D2HGDH: variants seen among roughly 807,000 people sequenced by gnomAD.
D2HGDH encodes the protein D-2-hydroxyglutarate dehydrogenase, mitochondrial.
Under a neutral mutation model 46.9 loss-of-function variants are expected in D2HGDH, and 31 were observed. The observed-to-expected ratio is 0.66, with a 90% confidence interval of 0.50 to 0.89. The LOEUF is 0.89. D2HGDH is among the 40% of genes least tolerant of loss of function. D2HGDH has a pLI of 0.00. For missense variants in D2HGDH, 698 were observed against 720.8 expected (o/e 0.97, Z 0.36); for synonymous variants, 364 against 332.6 (o/e 1.09, Z -1.03).
Position 241,743,572 on chromosome 2 carries a change from G to A in D2HGDH, c.491-50G>A, listed in dbSNP as rs377458254. ...GATGGGGGTTGGGACTCACCAGCCCGGGGGCCCACTGGAAGCCAAGTGCTG... is the reference window on the plus strand; with the variant it reads ...GATGGGGGTTGGGACTCACCAGCCCAGGGGCCCACTGGAAGCCAAGTGCTG... On this transcript the variant is annotated intron_variant, in intron 4 of 9. Transcript: ENST00000321264. This position sits in a 1 kb window ranked among gnomAD's most constrained non-coding sequence, Gnocchi z 4.8. 26 of 1,585,426 alleles carry A rather than the reference G, an allele frequency of 1.6e-5. No homozygotes were observed. Among genetic ancestry groups the A allele is most frequent in the Admixed American group, 3.5e-5 (2 of 57,102 alleles).
Position 241,755,992 on chromosome 2 carries a change from C to T in D2HGDH, c.1284C>T (p.His428=), listed in dbSNP as rs368179792. 13 of 1,602,246 alleles carry T rather than the reference C, an allele frequency of 8.1e-6. No homozygotes were observed. The African/African-American group carries it at 1.2e-4, about 15-fold the overall frequency. The change falls in exon 9 of 10, where the codon CAC becomes CAT. Residue 428 remains histidine, a synonymous_variant. Transcript: ENST00000321264. ...LRARLGPHAK[H]VVGYGHLGDG... ...CCCGCCTCGGCCCGCACGCCAAGCACGTGGTGGGCTATGGCCACCTTGGTG... is the reference window on the plus strand; with the variant it reads ...CCCGCCTCGGCCCGCACGCCAAGCATGTGGTGGGCTATGGCCACCTTGGTG...
At chr2:241,755,012 G>A (rs929562537) in intron 8 of D2HGDH, 25 of 1,274,926 alleles carry the variant, frequency 2.0e-5, no homozygotes, top group Admixed American at 1.2e-4. Flanking sequence ...GCAGCCCACA[G>A]AGGATGGCTC....
At chr2:241,746,424 T>C (rs1283354362) in intron 6 of D2HGDH, among the ~76,000 whole-genome samples, 1 of 152,256 alleles carries the variant, frequency 6.6e-6, no homozygotes, top group Non-Finnish European at 1.5e-5. Context: ...TCTGCAATGT[T>C]ACTTTTTATA....
chr2:241,750,334 TC>T (rs758093567), intron 7 of D2HGDH, 40 bp downstream of exon 7: 2 of 1,397,372 alleles, frequency 1.4e-6, no homozygotes, highest in Non-Finnish European at 1.9e-6. Flanking sequence ...GTCCTGCAGC[TC>T]CTTCTGCACG....
chr2:241,739,642 G>A (rs544460443), intron 2 of D2HGDH, among the ~76,000 whole-genome samples: 4 of 152,354 alleles, frequency 2.6e-5, no homozygotes, highest in Non-Finnish European at 5.9e-5. Flanking sequence ...GCAGAAAGAC[G>A]CCTGCTCACT....
intron 6 of D2HGDH, among the ~76,000 whole-genome samples, chr2:241,747,372 G>T (rs1696131020): frequency 6.8e-6 from 1 of 146,888 alleles, no homozygotes; most frequent in African/African-American, 2.6e-5. Flanking sequence ...CCAAAGACGA[G>T]GTACCTTCCT....
chr2:241,748,869 C>T (rs1696562588), intron 6 of D2HGDH: 4 of 1,294,002 alleles, frequency 3.1e-6, no homozygotes, highest in Non-Finnish European at 4.1e-6. Flanking sequence ...CTGCAGTCAC[C>T]TGTGTGCCGC....
chr2:241,742,267 C>A lies in D2HGDH; in HGVS notation c.351-168C>A, dbSNP rs1030347390. On this transcript the variant is annotated intron_variant, in intron 3 of 9. Coordinates refer to ENST00000321264, the MANE Select transcript of D2HGDH (RefSeq NM_152783.5). This position sits in a 1 kb window ranked among gnomAD's most constrained non-coding sequence, Gnocchi z 4.8. Reference sequence around the variant, plus strand: ...AGCTTTCGGATTGGCCTCTGTCCTTCCTCAGAATCCCTCACATGCGTGGGC... The same window carrying A: ...AGCTTTCGGATTGGCCTCTGTCCTTACTCAGAATCCCTCACATGCGTGGGC... 3.9e-5 allele frequency among the ~76,000 whole-genome samples: 6 copies of A among 152,208 alleles called. No individual in the cohort carries two copies. Among genetic ancestry groups the A allele is most frequent in the African/African-American group, 1.4e-4 (6 of 41,446 alleles).
At chr2:241,759,676 CTT>C (rs200477729) in intron 9 of D2HGDH, among the ~76,000 whole-genome samples, 1,701 of 152,246 alleles carry the variant, frequency 0.011, 39 homozygotes, top group African/African-American at 0.039. Flanking sequence ...TCACCCTGCT[CTT>C]TGTCTCTCAC....
rs757574221 is a variant in D2HGDH at position 241,750,286 on chromosome 2, C to T, written c.989C>T (p.Pro330Leu). ...GGGCGCCATCTCCACCTGGCCAGCC[C>T]GGTGCAAGGTACTGACCCCCCACAC... ...LVGRHLHLAS[P>L]VQESPFYVLI... Residue 330 changes from proline to leucine, a missense_variant, in exon 7 of 10, where the codon CCG (proline) becomes CTG (leucine). By Grantham distance (98) the Pro-to-Leu change is moderately conservative. Coordinates refer to ENST00000321264, the MANE Select transcript of D2HGDH (RefSeq NM_152783.5). 31 of 1,600,680 alleles carry T rather than the reference C, an allele frequency of 1.9e-5. 1 individual carries two copies. Among genetic ancestry groups the T allele is most frequent in the East Asian group, 1.6e-4 (7 of 43,854 alleles).
intron 9 of D2HGDH, among the ~76,000 whole-genome samples, chr2:241,760,381 T>C (rs111879542): frequency 2.8e-4 from 32 of 113,950 alleles, no homozygotes; most frequent in East Asian, 5.8e-4. Context: ...CGAAGGCCTT[T>C]GCCACAGCGT....
At chr2:241,735,540 G>T (rs373755944) in intron 2 of D2HGDH, 24 bp downstream of exon 2, 137 of 1,600,468 alleles carry the variant, frequency 8.6e-5, no homozygotes, top group South Asian at 7.3e-4. Flanking sequence ...GGGAAGCTGC[G>T]GCGTTTCCGC....
chr2:241,758,769 A>ATATGTGTGTG (rs1315576359), intron 9 of D2HGDH, among the ~76,000 whole-genome samples: 3 of 131,970 alleles, frequency 2.3e-5, no homozygotes, highest in Non-Finnish European at 3.2e-5. Context: ...CCCACAATAT[A>ATATGTGTGTG]TGTGTGTGTG....
rs113988412 is a variant in D2HGDH, at chr2:241,767,505, C to G, written c.1307-205C>G. 0.29 allele frequency among the ~76,000 whole-genome samples: 24,222 copies of G among 84,454 alleles called. 6,226 individuals are homozygous for G. The highest frequency in any genetic ancestry group is 0.63 in the African/African-American group (9,186 of 14,510). The allele number at this position is 84,454 out of a possible 152,430, so 55.4% of individuals were successfully genotyped here. A position where few individuals can be genotyped will look rare whatever the true frequency, so the allele number is the denominator to read the frequency against. On this transcript the variant is annotated intron_variant, in intron 9 of 9. Transcript: ENST00000321264. ...GAGGGAGTAGGAAGAGGGGGGAGAA[C>G]TTGGGGAGAGAAGCAGGGAGAAGCC...
chr2:241,760,420 C>CT (rs1291892905), intron 9 of D2HGDH, among the ~76,000 whole-genome samples: 7 of 128,628 alleles, frequency 5.4e-5, no homozygotes, highest in Non-Finnish European at 8.1e-5. Context: ...CAGTCGAAGG[C>CT]TTTTTGCCAC....
At chr2:241,749,358 A>G (rs1696688322) in intron 6 of D2HGDH, 1 of 1,287,002 alleles carries the variant, frequency 7.8e-7, no homozygotes, top group African/African-American at 1.5e-5. Flanking sequence ...CTTCTCTGAT[A>G]TCCACATGCC....
At chr2:241,758,395 T>C (rs558100838) in intron 9 of D2HGDH, among the ~76,000 whole-genome samples, 3 of 152,296 alleles carry the variant, frequency 2.0e-5, no homozygotes, top group African/African-American at 7.2e-5. Context: ...TCTAGATTGG[T>C]ATTGCTAATT....
Position 241,735,276 on chromosome 2 carries a change from C to T in D2HGDH, c.52C>T (p.Pro18Ser), listed in dbSNP as rs746808983. ...GCCCGCGTGGCTGTTGCGGGGTGCT[C>T]CGGGAGCCGCGGGTTCTTGGGGTCG... Reference protein sequence around the residue: ...AWPAWLLRGAPGAAGSWGRPV... With the variant: ...AWPAWLLRGASGAAGSWGRPV... Residue 18 changes from proline (P) to serine (S), a missense_variant, in exon 2 of 10, where the codon CCG becomes TCG. Physicochemically the swap from Pro to Ser is moderately conservative, Grantham distance 74. Transcript: ENST00000321264. 2.1e-5 allele frequency: 32 copies of T among 1,522,052 alleles called. No individual in the cohort carries two copies. The highest frequency in any genetic ancestry group is 2.6e-5 in the Non-Finnish European group (30 of 1,142,198). 94.3% of individuals were successfully genotyped at this position (1,522,052 alleles called of 1,614,324 possible). A position where few individuals can be genotyped will look rare whatever the true frequency, so the allele number is the denominator to read the frequency against.
At chr2:241,755,425 G>A (rs1319683953) in intron 8 of D2HGDH, 2 of 1,308,440 alleles carry the variant, frequency 1.5e-6, no homozygotes, top group East Asian at 1.1e-4. Context: ...CTCATCCTCA[G>A]GGCCTTCCCT....
Sources: allele counts gnomAD v4.1 joint callset (sites outside exome capture counted in the v4.1 genomes callset), GRCh38; gene constraint gnomAD v4.1.1; non-coding constraint Gnocchi (gnomAD v3.1); transcripts MANE v1.5; gene names NCBI Gene and HGNC (gene_info 2026-07-23, HGNC 2026-07-21).